PRKCB: variants seen among roughly 807,000 people sequenced by gnomAD.
PRKCB encodes the protein protein kinase C beta type.
PRKCB carries 13 observed loss-of-function variants against 81.5 expected under a neutral mutation model. That is an observed-to-expected ratio of 0.16 (90% confidence interval 0.10 to 0.25). PRKCB has a LOEUF of 0.25. PRKCB is among the 10% of genes least tolerant of loss of function. PRKCB has a pLI of 1.00. For missense variants in PRKCB, 509 were observed against 875.7 expected, an observed-to-expected ratio of 0.58 and a Z score of 5.29; for synonymous variants, 335 against 321.4, an observed-to-expected ratio of 1.04 and a Z score of -0.45.
chr16:24,045,533 A>C (rs952279113), intron 5 of PRKCB, among the ~76,000 whole-genome samples: 4 of 152,056 alleles, frequency 2.6e-5, no homozygotes, highest in African/African-American at 9.7e-5. Flanking sequence ...CCCACCTCCA[A>C]GTCTGAGTTC....
intron 2 of PRKCB, among the ~76,000 whole-genome samples, chr16:23,940,600 T>G (rs1050838735): frequency 6.6e-6 from 1 of 152,066 alleles, no homozygotes; most frequent in African/African-American, 2.4e-5. Flanking sequence ...AAACATCTAC[T>G]TCTAATTATA....
intron 5 of PRKCB, among the ~76,000 whole-genome samples, chr16:24,042,895 AC>A (rs1965720571): frequency 6.6e-6 from 1 of 151,790 alleles, no homozygotes; most frequent in Non-Finnish European, 1.5e-5. Flanking sequence ...GAGCCACCAC[AC>A]TCAGCTAATT....
At chr16:24,146,311 A>T (rs1966988395) in intron 9 of PRKCB, among the ~76,000 whole-genome samples, 1 of 152,218 alleles carries the variant, frequency 6.6e-6, no homozygotes, top group African/African-American at 2.4e-5. Context: ...CTAGGAAACT[A>T]GTAGAACCAC....
At chr16:24,207,845 G>A (rs985321270) in intron 16 of PRKCB, among the ~76,000 whole-genome samples, 1 of 152,218 alleles carries the variant, frequency 6.6e-6, no homozygotes, top group African/African-American at 2.4e-5. Flanking sequence ...TGGAAGGCAA[G>A]TGTTCCTGGC....
intron 2 of PRKCB, among the ~76,000 whole-genome samples, chr16:23,965,421 T>C (rs1038306649): frequency 1.3e-5 from 2 of 152,234 alleles, no homozygotes; most frequent in African/African-American, 4.8e-5. Context: ...TGATTTCTTG[T>C]CTTTGCTATT....
At chr16:24,124,556 A>T (rs1423670778) in intron 9 of PRKCB, among the ~76,000 whole-genome samples, 1 of 152,180 alleles carries the variant, frequency 6.6e-6, no homozygotes, top group Non-Finnish European at 1.5e-5. Context: ...TTCCTTTCAA[A>T]CAGTTGCACA....
intron 5 of PRKCB, among the ~76,000 whole-genome samples, chr16:24,061,043 A>G (rs73544678): frequency 0.013 from 1,949 of 152,156 alleles, 38 homozygotes; most frequent in African/African-American, 0.042. Context: ...GGTACATAAT[A>G]GGTGCTTGTT....
At chr16:23,936,005 T>C (rs1403558966) in intron 2 of PRKCB, among the ~76,000 whole-genome samples, 1 of 152,218 alleles carries the variant, frequency 6.6e-6, no homozygotes, top group Admixed American at 6.5e-5. Flanking sequence ...GTACCTACTG[T>C]ATCTAAAATG....
intron 2 of PRKCB, among the ~76,000 whole-genome samples, chr16:23,861,052 T>C (rs779682621): frequency 2.0e-5 from 3 of 152,218 alleles, no homozygotes; most frequent in Non-Finnish European, 4.4e-5. Context: ...CTCAGAGCTA[T>C]GTACCTGCTA....
At chr16:24,037,682 T>C (rs970900471) in intron 5 of PRKCB, among the ~76,000 whole-genome samples, 55 of 151,968 alleles carry the variant, frequency 3.6e-4, no homozygotes, top group African/African-American at 1.3e-3. Flanking sequence ...TGTGGTACAG[T>C]ACAATATTTC....
At chr16:24,037,645 G>A (rs959371563) in intron 5 of PRKCB, among the ~76,000 whole-genome samples, 11 of 152,046 alleles carry the variant, frequency 7.2e-5, no homozygotes, top group African/African-American at 2.7e-4. Flanking sequence ...CCTCCTATGG[G>A]CATTCCTTAG....
chr16:23,890,969 A>G (rs1963283865), intron 2 of PRKCB, among the ~76,000 whole-genome samples: 1 of 151,948 alleles, frequency 6.6e-6, no homozygotes, highest in African/African-American at 2.4e-5. Flanking sequence ...CCTAGGGGAA[A>G]AAACTGAAGG....
At position 23,905,304 on chromosome 16, in the gene PRKCB, T is replaced by A. The variant is rs17753694; in HGVS notation, c.205+67898T>A. Among the ~76,000 whole-genome samples the A allele has an allele frequency of 2.2e-3, 338 of 152,298 alleles. 1 individual carries two copies. Among genetic ancestry groups the A allele is most frequent in the South Asian group, 0.011 (51 of 4,830 alleles). On this transcript the variant is annotated intron_variant, in intron 2 of 16. Transcript: ENST00000643927. ...GTTAAATAAATAACAACACAAGCAG[T>A]GCATCCTCCCGGTTATAATGGCAAA...
intron 2 of PRKCB, among the ~76,000 whole-genome samples, chr16:23,890,553 G>A (rs59005885): frequency 0.046 from 7,042 of 152,222 alleles, 224 homozygotes; most frequent in African/African-American, 0.086. Flanking sequence ...ACTTCCAACC[G>A]GGCTTTTCAT....
At position 24,218,255 on chromosome 16, in the gene PRKCB, G is replaced by GGA; in HGVS notation, c.*3446_*3447dup. 1.0e-6 allele frequency: 1 copy of GGA among 985,328 alleles called. No individual in the cohort carries two copies. The allele number at this position is 985,328 out of a possible 1,614,324, so 61.0% of individuals were successfully genotyped here. A position where few individuals can be genotyped will look rare whatever the true frequency, so the allele number is the denominator to read the frequency against. On this transcript the variant is annotated 3_prime_UTR_variant, in exon 17 of 17. Coordinates refer to ENST00000643927, the MANE Select transcript of PRKCB (RefSeq NM_002738.7). ...GCTAAAGTGTGACTTGTGGGGATTG[G>GGA]GAGAGAGATGCACAGACAATATTAA...
At chr16:23,993,212 GC>G (rs2141825127) in intron 3 of PRKCB, among the ~76,000 whole-genome samples, 1 of 152,254 alleles carries the variant, frequency 6.6e-6, no homozygotes, top group Admixed American at 6.5e-5. Flanking sequence ...TAGGGAATAT[GC>G]ATGGGAATGA....
intron 2 of PRKCB, among the ~76,000 whole-genome samples, chr16:23,926,385 G>A (rs545902659): frequency 7.9e-5 from 12 of 152,026 alleles, no homozygotes; most frequent in Middle Eastern, 3.4e-3. Flanking sequence ...TCAGGAGGCC[G>A]AGGTGGAAGA....
At chr16:24,095,242 G>T in intron 7 of PRKCB, among the ~76,000 whole-genome samples, 1 of 152,100 alleles carries the variant, frequency 6.6e-6, no homozygotes, top group East Asian at 1.9e-4. Context: ...CAGCTAAATG[G>T]GAGAACAGAG....
chr16:24,052,836 C>T (rs1391166308), intron 5 of PRKCB, among the ~76,000 whole-genome samples: 1 of 152,214 alleles, frequency 6.6e-6, no homozygotes, highest in African/African-American at 2.4e-5. Flanking sequence ...CTTGTGCTGA[C>T]GTCCTGTCTC....
Sources: gnomAD v4.1 joint callset for allele counts (sites outside exome capture counted in the v4.1 genomes callset) on GRCh38, gnomAD v4.1.1 for gene constraint, MANE v1.5 for transcripts, NCBI Gene and HGNC (gene_info 2026-07-23, HGNC 2026-07-21) for gene names.